AKAP13: variants seen among roughly 807,000 people sequenced by gnomAD.
The protein encoded by AKAP13 is A-kinase anchoring protein 13, also known as A-kinase anchor protein 13.
Under a neutral mutation model 264.5 loss-of-function variants are expected in AKAP13, and 80 were observed. That is an observed-to-expected ratio of 0.30 (90% CI 0.25 to 0.36). The LOEUF (loss-of-function observed/expected upper bound fraction) is 0.36, where lower values mean the gene tolerates loss of function less well. AKAP13 is among the 10% of genes least tolerant of loss of function. The pLI is 1.00. For synonymous variants in AKAP13, 1,380 were observed against 1,250.2 expected (o/e 1.10, Z -2.19); for missense variants, 3,712 against 3,435.2 (o/e 1.08, Z -2.01).
intron 1 of AKAP13, among the ~76,000 whole-genome samples, chr15:85,390,147 G>T (rs774865519): frequency 6.6e-6 from 1 of 152,150 alleles, no homozygotes; most frequent in Admixed American, 6.5e-5. Context: ...TGTCAGGCAC[G>T]GTTCTAGGTA....
In AKAP13 at chr15:85,655,513, G is replaced by A. The variant is rs772871547; in HGVS notation, c.4471G>A (p.Val1491Met). 2 of 1,614,208 alleles carry A rather than the reference G, an allele frequency of 1.2e-6. No homozygotes were observed. The highest frequency in any genetic ancestry group is 1.7e-6 in the Non-Finnish European group (2 of 1,180,032). The change falls in exon 11 of 37, where the codon GTG becomes ATG. Residue 1491 changes from valine (V) to methionine (M), a missense_variant. This residue lies in a region of AKAP13 where 2,759 missense variants were observed against 2,411.7 expected (regional missense o/e 1.14). Transcript: ENST00000394518. ...LDRHSSHGSD[V>M]SLSQILKPNR... ...CCGACATTCTTCTCATGGCAGTGAT[G>A]TGTCTCTCTCCCAGATTTTAAAGCC... is the stretch of plus-strand genomic sequence containing the variant.
At chr15:85,486,475 C>G (rs2075549335) in intron 2 of AKAP13, among the ~76,000 whole-genome samples, 4 of 152,018 alleles carry the variant, frequency 2.6e-5, no homozygotes, top group Non-Finnish European at 5.9e-5. Context: ...ATGTGGATCT[C>G]CAGTTGTTCC....
chr15:85,715,347 CA>C (rs2086870514), intron 19 of AKAP13, among the ~76,000 whole-genome samples: 1 of 152,166 alleles, frequency 6.6e-6, no homozygotes, highest in Non-Finnish European at 1.5e-5. Context: ...ATGTCATTTT[CA>C]GTCTTTTGCT....
chr15:85,450,438 T>C (rs2074047489), intron 1 of AKAP13, among the ~76,000 whole-genome samples: 1 of 152,152 alleles, frequency 6.6e-6, no homozygotes, highest in African/African-American at 2.4e-5. Flanking sequence ...TCTAATTCTT[T>C]CAGTTGTGAG....
At chr15:85,713,366 G>C (rs1267109062) in intron 19 of AKAP13, among the ~76,000 whole-genome samples, 2 of 151,946 alleles carry the variant, frequency 1.3e-5, no homozygotes, top group East Asian at 3.9e-4. Flanking sequence ...TTCATTCCAT[G>C]GTTCTTCTCA....
chr15:85,575,009 T>A, intron 5 of AKAP13, 122 bp from the exon 6 acceptor site: 1 of 819,652 alleles, frequency 1.2e-6, no homozygotes. Context: ...GTATATATAC[T>A]AATTTTTGCT....
At chr15:85,611,747 A>G (rs923408498) in intron 8 of AKAP13, among the ~76,000 whole-genome samples, 8 of 152,218 alleles carry the variant, frequency 5.3e-5, no homozygotes, top group South Asian at 2.1e-4. Context: ...AACACAAGTA[A>G]CATGTTCAGC....
At chr15:85,586,990 T>A (rs539542021) in intron 8 of AKAP13, among the ~76,000 whole-genome samples, 91 of 152,014 alleles carry the variant, frequency 6.0e-4, no homozygotes, top group Admixed American at 5.1e-3. Context: ...TTAAGAATAG[T>A]TTGTTTTGGG....
At position 85,579,188 on chromosome 15, in the gene AKAP13, A is replaced by G. The variant is rs779136952; in HGVS notation, c.1120A>G (p.Lys374Glu). ...NTDRSCRKKN[K>E]GVERKGEEVE... is the part of the protein sequence containing the mutation. Reference sequence around the variant, plus strand: ...AGACCGTTCCTGTAGGAAGAAAAATAAAGGCGTGGAAAGAAAAGGGGAAGA... The same window carrying G: ...AGACCGTTCCTGTAGGAAGAAAAATGAAGGCGTGGAAAGAAAAGGGGAAGA... The change falls in exon 7 of 37, where the codon AAA becomes GAA. Residue 374 changes from lysine to glutamate, a missense_variant. This residue lies in a region of AKAP13 where 2,759 missense variants were observed against 2,411.7 expected (regional missense o/e 1.14). Transcript: ENST00000394518. The G allele has an allele frequency of 2.5e-6, 4 of 1,614,234 alleles. No homozygotes were observed. The highest frequency in any genetic ancestry group is 1.7e-5 in the Admixed American group (1 of 60,026).
chr15:85,425,762 C>T (rs888559753), intron 1 of AKAP13, among the ~76,000 whole-genome samples: 1 of 149,446 alleles, frequency 6.7e-6, no homozygotes, highest in East Asian at 2.0e-4. Flanking sequence ...ACTTAATTAT[C>T]CTCTTTGCAT....
Position 85,747,411 on chromosome 15 carries a change from C to A in AKAP13, c.*2734C>A, listed in dbSNP as rs1403947188. ...GGTTGTTTTTTTGGGGTGACTCGGA[C>A]TGAATTCCCCATACTGTTTCCACGC... On this transcript the variant is annotated 3_prime_UTR_variant, in exon 37 of 37. Transcript: ENST00000394518. 1 of 152,400 alleles carries A rather than the reference C, an allele frequency of 6.6e-6. No homozygotes were observed. Among genetic ancestry groups the A allele is most frequent in the African/African-American group, 2.4e-5 (1 of 41,416 alleles). The allele number at this position is 152,400 out of a possible 1,614,324, so 9.4% of individuals were successfully genotyped here.
intron 5 of AKAP13, among the ~76,000 whole-genome samples, chr15:85,548,785 T>A (rs2077847940): frequency 6.6e-6 from 1 of 152,186 alleles, no homozygotes; most frequent in Admixed American, 6.5e-5. Context: ...GAATTAAAGT[T>A]AGTAGAGAGA....
At chr15:85,742,309 C>T (rs2089078972) in intron 35 of AKAP13, among the ~76,000 whole-genome samples, 1 of 152,162 alleles carries the variant, frequency 6.6e-6, no homozygotes, top group Non-Finnish European at 1.5e-5. Context: ...AGGCATGGCC[C>T]CAACCTGAAG....
intron 5 of AKAP13, among the ~76,000 whole-genome samples, chr15:85,554,296 T>C (rs945158415): frequency 1.8e-4 from 28 of 152,190 alleles, no homozygotes; most frequent in African/African-American, 6.3e-4. Context: ...AACAAGAACA[T>C]GTTTATAAAG....
intron 1 of AKAP13, among the ~76,000 whole-genome samples, chr15:85,381,486 C>CTT (rs553047572): frequency 9.6e-4 from 81 of 84,504 alleles, no homozygotes; most frequent in Non-Finnish European, 1.3e-3. Flanking sequence ...CCAAACAAAA[C>CTT]TTTTTTTTTT....
chr15:85,453,723 A>G (rs1341273218), intron 1 of AKAP13, among the ~76,000 whole-genome samples: 1 of 152,034 alleles, frequency 6.6e-6, no homozygotes, highest in Non-Finnish European at 1.5e-5. Flanking sequence ...GGAACAGCTG[A>G]GTCACCCAAA....
intron 1 of AKAP13, among the ~76,000 whole-genome samples, chr15:85,434,815 A>G (rs1437226155): frequency 6.7e-6 from 1 of 149,572 alleles, no homozygotes; most frequent in Non-Finnish European, 1.5e-5. Flanking sequence ...CCGAAAACCC[A>G]TCTGTACATC....
intron 5 of AKAP13, among the ~76,000 whole-genome samples, chr15:85,565,658 T>C (rs893407475): frequency 2.0e-5 from 3 of 152,162 alleles, no homozygotes; most frequent in Admixed American, 6.5e-5. Flanking sequence ...AATGGAAATG[T>C]GGTAGTAGTA....
At chr15:85,716,300 C>G (rs1390984015) in intron 20 of AKAP13, among the ~76,000 whole-genome samples, 1 of 152,180 alleles carries the variant, frequency 6.6e-6, no homozygotes, top group East Asian at 1.9e-4. Flanking sequence ...TTCTGTTGTT[C>G]AAGTAAACCT....
Sources: gnomAD v4.1 joint callset for allele counts (sites outside exome capture counted in the v4.1 genomes callset) on GRCh38, gnomAD v4.1.1 for gene constraint, gnomAD v4.1.1 regional missense constraint, MANE v1.5 for transcripts, NCBI Gene and HGNC (gene_info 2026-07-23, HGNC 2026-07-21) for gene names.